Variants in TMEM131 observed in about 807,000 individuals in gnomAD.
The protein encoded by TMEM131 is transmembrane protein 131.
A neutral mutation model predicts 211.6 loss-of-function variants in TMEM131; 66 were observed. The ratio of observed to expected loss-of-function variants is 0.31; its 90% CI spans 0.26 to 0.38. The LOEUF (loss-of-function observed/expected upper bound fraction) is 0.38, where lower values mean the gene tolerates loss of function less well. Among genes scored for constraint, TMEM131 ranks in the 10% least tolerant of loss-of-function variants. The probability of loss-of-function intolerance (pLI) is 1.00; values close to 1 mark genes in which losing one functional copy is unlikely to be tolerated. For missense variants in TMEM131, 2,036 were observed against 2,299.3 expected (o/e 0.89, Z 2.34); for synonymous variants, 844 against 841.3 (o/e 1.00, Z -0.06).
intron 8 of TMEM131, among the ~76,000 whole-genome samples, chr2:97,836,776 T>C (rs1015094038): frequency 6.6e-6 from 1 of 152,180 alleles, no homozygotes; most frequent in African/African-American, 2.4e-5. Context: ...CATCATAAAT[T>C]ATCAGACTCA....
rs1573663087 is a variant in TMEM131 at position 97,990,706 on chromosome 2, T to TAG, written c.187+4768_187+4769dup. Among the ~76,000 whole-genome samples the TAG allele has an allele frequency of 3.3e-5, 5 of 152,388 alleles. No individual in the cohort carries two copies. In the East Asian group the frequency reaches 9.6e-4, roughly 29 times the overall value. ...ACTGGTGTTACTCAATGTCCTACTATAGCAGACTTCCTCATGACATCTGCA... is the reference window on the plus strand; with the variant it reads ...ACTGGTGTTACTCAATGTCCTACTATAGAGCAGACTTCCTCATGACATCTGCA... On this transcript the variant is annotated intron_variant, in intron 1 of 40. Coordinates refer to ENST00000186436, the MANE Select transcript of TMEM131 (RefSeq NM_015348.2).
chr2:97,846,043 C>T (rs750345238), intron 5 of TMEM131, among the ~76,000 whole-genome samples: 12 of 152,292 alleles, frequency 7.9e-5, no homozygotes, highest in South Asian at 2.1e-4. Context: ...CTGAAATAGT[C>T]GTGCACACAG....
chr2:97,784,266 T>C (rs1257261305), intron 31 of TMEM131, among the ~76,000 whole-genome samples: 1 of 152,074 alleles, frequency 6.6e-6, no homozygotes, highest in Non-Finnish European at 1.5e-5. Flanking sequence ...CAGGAGAATA[T>C]ACATTCTTTT....
At chr2:97,949,380 A>G (rs1161672983) in intron 1 of TMEM131, among the ~76,000 whole-genome samples, 2 of 152,140 alleles carry the variant, frequency 1.3e-5, no homozygotes, top group Admixed American at 1.3e-4. Context: ...AAATTCTACA[A>G]AGGGTCACAA....
At chr2:97,967,012 C>G (rs1407801062) in intron 1 of TMEM131, among the ~76,000 whole-genome samples, 2 of 150,686 alleles carry the variant, frequency 1.3e-5, no homozygotes, top group African/African-American at 2.4e-5. Flanking sequence ...CCACACCTGC[C>G]CACCACCTAA....
rs943157667 is a variant in TMEM131, at chr2:97,801,919, T to C, written c.2694A>G (p.Leu898=). The C allele has an allele frequency of 1.9e-6, 3 of 1,608,430 alleles. No homozygotes were observed. The highest frequency in any genetic ancestry group is 8.5e-7 in the Non-Finnish European group (1 of 1,177,298). Reference sequence around the variant, plus strand: ...CACTGTTTCTGAAGACTTGAAATTCTAGTGTTCTCAAATCTATCTTTGCCA... The same window carrying C: ...CACTGTTTCTGAAGACTTGAAATTCCAGTGTTCTCAAATCTATCTTTGCCA... ...SKVAKIDLRT[L]EFQVFRNSAH... is the part of the protein sequence containing the mutation. Residue 898 remains leucine (L), a synonymous_variant, in exon 25 of 41, where the codon CTA becomes CTG. Coordinates refer to ENST00000186436, the MANE Select transcript of TMEM131 (RefSeq NM_015348.2).
intron 12 of TMEM131, among the ~76,000 whole-genome samples, 172 bp from the exon 13 acceptor site, chr2:97,815,479 G>A (rs1293290355): frequency 1.3e-5 from 2 of 152,038 alleles, no homozygotes; most frequent in Non-Finnish European, 2.9e-5. Flanking sequence ...CATACAAAAG[G>A]GGGAAAATGT....
chr2:97,895,247 T>C (rs1417717054), intron 3 of TMEM131, among the ~76,000 whole-genome samples: 2 of 152,322 alleles, frequency 1.3e-5, no homozygotes, highest in South Asian at 2.1e-4. Context: ...GATAAGCCTT[T>C]TGGTGTGGTG....
intron 11 of TMEM131, among the ~76,000 whole-genome samples, chr2:97,826,075 C>T (rs1196899926): frequency 6.6e-6 from 1 of 152,202 alleles, no homozygotes; most frequent in Non-Finnish European, 1.5e-5. Flanking sequence ...AGATTTATGC[C>T]ACCTGAGATG....
intron 1 of TMEM131, among the ~76,000 whole-genome samples, chr2:97,938,460 A>G (rs1187392430): frequency 6.6e-6 from 1 of 152,228 alleles, no homozygotes; most frequent in Non-Finnish European, 1.5e-5. Flanking sequence ...AAAGGGATCA[A>G]TTCAACAAGA....
chr2:97,944,140 G>A (rs1012802541), intron 1 of TMEM131, among the ~76,000 whole-genome samples: 3 of 152,054 alleles, frequency 2.0e-5, no homozygotes, highest in Admixed American at 6.6e-5. Context: ...AAACAGAATA[G>A]AACTGACAGT....
chr2:97,760,249 C>A (rs1678752771), intron 38 of TMEM131: 2 of 305,298 alleles, frequency 6.6e-6, no homozygotes, highest in Non-Finnish European at 1.2e-5. Context: ...CAGATTTCCC[C>A]CCTCCCAAGT....
rs1185051948 is a variant in TMEM131, at chr2:97,833,373, G to C, written c.1066C>G (p.Pro356Ala). Residue 356 changes from proline to alanine, a missense_variant, in exon 11 of 41, where the codon CCA becomes GCA. By Grantham distance (27) the Pro-to-Ala change is conservative. This residue lies in a region of TMEM131 where 277 missense variants were observed against 378.0 expected (regional missense o/e 0.73). Transcript: ENST00000186436. Reference protein sequence around the residue: ...HLLNSGTKDVPITSVRPTPQN... With the variant: ...HLLNSGTKDVAITSVRPTPQN... ...AAGAAGTAAAAACTTACTGTTATTG[G>C]TACATCTTTTGTTCCTGAATTTAAT... The C allele has an allele frequency of 7.7e-7, 1 of 1,298,008 alleles. No individual in the cohort carries two copies. The highest frequency in any genetic ancestry group is 1.1e-6 in the Non-Finnish European group (1 of 922,944). 80.4% of individuals were successfully genotyped at this position (1,298,008 alleles called of 1,614,324 possible).
chr2:97,848,693 C>T (rs992063841), intron 5 of TMEM131, among the ~76,000 whole-genome samples: 4 of 151,688 alleles, frequency 2.6e-5, no homozygotes, highest in African/African-American at 9.7e-5. Context: ...CATGGATACA[C>T]AGGGCCAGCT....
chr2:97,910,586 T>C (rs1676253273), intron 2 of TMEM131, among the ~76,000 whole-genome samples: 1 of 152,150 alleles, frequency 6.6e-6, no homozygotes. Flanking sequence ...GCCACAACAA[T>C]GTAAAAGCGT....
chr2:97,807,406 A>G (rs577383074), intron 19 of TMEM131, among the ~76,000 whole-genome samples: 13 of 152,238 alleles, frequency 8.5e-5, no homozygotes, highest in Admixed American at 3.9e-4. Context: ...ATTAGTTCAC[A>G]CAACCACTGG....
chr2:97,919,440 T>TC (rs1194555417), intron 2 of TMEM131, among the ~76,000 whole-genome samples: 4 of 152,228 alleles, frequency 2.6e-5, no homozygotes, highest in African/African-American at 9.6e-5. Flanking sequence ...GCAAATTTTT[T>TC]CAGTAAATTT....
intron 22 of TMEM131, among the ~76,000 whole-genome samples, chr2:97,804,570 G>A (rs1573386412): frequency 6.8e-6 from 1 of 146,548 alleles, no homozygotes; most frequent in Non-Finnish European, 1.5e-5. Context: ...GGCTGATGCA[G>A]GAGAATCACG....
At chr2:97,902,892 T>A in intron 3 of TMEM131, among the ~76,000 whole-genome samples, 1 of 152,206 alleles carries the variant, frequency 6.6e-6, no homozygotes, top group East Asian at 1.9e-4. Flanking sequence ...TTCTCGCCCT[T>A]GAACGCTGGA....
Sources: allele counts gnomAD v4.1 joint callset (sites outside exome capture counted in the v4.1 genomes callset), GRCh38; gene constraint gnomAD v4.1.1; regional missense constraint gnomAD v4.1.1; transcripts MANE v1.5; gene names NCBI Gene and HGNC (gene_info 2026-07-23, HGNC 2026-07-21).